Variants in ETNK1 observed in about 807,000 individuals in gnomAD.
The protein encoded by ETNK1 is ethanolamine kinase 1.
In ETNK1, 8 loss-of-function variants were observed where a neutral mutation model predicts 45.1. The observed-to-expected ratio is 0.18, with a 90% CI of 0.10 to 0.32. The LOEUF (loss-of-function observed/expected upper bound fraction) is 0.32, where lower values mean the gene tolerates loss of function less well. Among genes scored for constraint, ETNK1 ranks in the 10% least tolerant of loss-of-function variants. The probability of loss-of-function intolerance (pLI) is 1.00; values close to 1 mark genes in which losing one functional copy is unlikely to be tolerated. For synonymous variants in ETNK1, 152 were observed against 151.9 expected, an observed-to-expected ratio of 1.00 and a Z score of -0.01; for missense variants, 302 against 430.6, an observed-to-expected ratio of 0.70 and a Z score of 2.64.
chr12:22,645,496 G>A (rs1953796446), intron 2 of ETNK1, among the ~76,000 whole-genome samples: 1 of 151,596 alleles, frequency 6.6e-6, no homozygotes, highest in African/African-American at 2.4e-5. Context: ...TATACTTTTT[G>A]GTTAGATCTA....
intron 5 of ETNK1, among the ~76,000 whole-genome samples, chr12:22,671,922 G>A (rs993102042): frequency 6.0e-5 from 9 of 150,512 alleles, no homozygotes; most frequent in African/African-American, 2.2e-4. Context: ...CATAGCATAA[G>A]GTGCTTCATA....
At chr12:22,654,293 A>T (rs1953913763) in intron 2 of ETNK1, among the ~76,000 whole-genome samples, 1 of 152,242 alleles carries the variant, frequency 6.6e-6, no homozygotes, top group African/African-American at 2.4e-5. Context: ...TATAAAAGAT[A>T]AAAAAGACCA....
intron 2 of ETNK1, among the ~76,000 whole-genome samples, chr12:22,645,595 T>C (rs776150324): frequency 4.6e-5 from 7 of 151,806 alleles, no homozygotes; most frequent in Non-Finnish European, 8.9e-5. Flanking sequence ...TTTATTGATA[T>C]ATCATAGTTG....
At chr12:22,636,302 G>GA (rs1484108521) in intron 1 of ETNK1, among the ~76,000 whole-genome samples, 2 of 152,008 alleles carry the variant, frequency 1.3e-5, no homozygotes, top group African/African-American at 4.8e-5. Context: ...TGAGGTCTTG[G>GA]AAAAAAATAG....
At chr12:22,672,499 T>C (rs1360016032) in intron 5 of ETNK1, among the ~76,000 whole-genome samples, 3 of 152,194 alleles carry the variant, frequency 2.0e-5, no homozygotes, top group African/African-American at 7.2e-5. Context: ...AAGCTGTACA[T>C]ATTTTTACGT....
rs1393076180 is a variant in ETNK1, at chr12:22,687,448, T to C, written c.*2494T>C. The C allele has an allele frequency of 6.6e-6, 1 of 152,302 alleles. No homozygotes were observed. The highest frequency in any genetic ancestry group is 2.4e-5 in the African/African-American group (1 of 41,414). The allele number at this position is 152,302 out of a possible 1,614,324, so 9.4% of individuals were successfully genotyped here. A position where few individuals can be genotyped will look rare whatever the true frequency, so the allele number is the denominator to read the frequency against. Reference sequence around the variant, plus strand: ...TAAGCTCATTTTGTAAATATGAAAATGGCTGTAAGAAGTGGCATTCATGTA... The same window carrying C: ...TAAGCTCATTTTGTAAATATGAAAACGGCTGTAAGAAGTGGCATTCATGTA... On this transcript the variant is annotated 3_prime_UTR_variant, in exon 8 of 8. Transcript: ENST00000266517.
chr12:22,676,143 A>ATGC (rs1389996946), intron 6 of ETNK1, among the ~76,000 whole-genome samples: 1 of 152,084 alleles, frequency 6.6e-6, no homozygotes, highest in Non-Finnish European at 1.5e-5. Flanking sequence ...ATTTCTTCTA[A>ATGC]TGCTGTCCCT....
Position 22,685,017 on chromosome 12 carries a change from C to T in ETNK1, c.*63C>T, listed in dbSNP as rs1464663973. ...CTTGTGAATCTTTTCTTAAGAAATCCCAAAAAGCCAATATTAGTTAAAATT... is the reference window on the plus strand; with the variant it reads ...CTTGTGAATCTTTTCTTAAGAAATCTCAAAAAGCCAATATTAGTTAAAATT... On this transcript the variant is annotated 3_prime_UTR_variant, in exon 8 of 8. Coordinates refer to ENST00000266517, the MANE Select transcript of ETNK1 (RefSeq NM_018638.5). 2.4e-5 allele frequency: 29 copies of T among 1,207,076 alleles called. No individual in the cohort carries two copies. The highest frequency in any genetic ancestry group is 3.3e-5 in the Non-Finnish European group (28 of 849,816). The allele number at this position is 1,207,076 out of a possible 1,614,324, so 74.8% of individuals were successfully genotyped here. A position where few individuals can be genotyped will look rare whatever the true frequency, so the allele number is the denominator to read the frequency against.
chr12:22,666,669 T>C (rs577667873), intron 4 of ETNK1, among the ~76,000 whole-genome samples: 1 of 152,212 alleles, frequency 6.6e-6, no homozygotes, highest in Non-Finnish European at 1.5e-5. Flanking sequence ...TCACTGTTTA[T>C]TTTCTCTGTC....
intron 4 of ETNK1, among the ~76,000 whole-genome samples, chr12:22,666,357 G>C (rs1430509480): frequency 1.3e-5 from 2 of 152,044 alleles, no homozygotes; most frequent in African/African-American, 4.8e-5. Context: ...AGAACTATAG[G>C]AATTATCAGT....
intron 2 of ETNK1, among the ~76,000 whole-genome samples, chr12:22,657,643 A>G (rs1336050273): frequency 1.3e-5 from 2 of 152,160 alleles, no homozygotes; most frequent in Non-Finnish European, 2.9e-5. Flanking sequence ...GATAGCTTCA[A>G]TAAAATTAGG....
In ETNK1 at chr12:22,683,042, T is replaced by G. The variant is rs187238189; in HGVS notation, c.946-1441T>G. On this transcript the variant is annotated intron_variant, in intron 6 of 7. Coordinates refer to ENST00000266517, the MANE Select transcript of ETNK1 (RefSeq NM_018638.5). ...ATAGTAAGAATAGCTAGCATTCTAT[T>G]GAATATTTGTTATATGCCAGCTATA... Among the ~76,000 whole-genome samples, 14 of 152,320 alleles carry G rather than the reference T, an allele frequency of 9.2e-5. No homozygotes were observed. The East Asian group carries it at 1.9e-3, about 21-fold the overall frequency.
intron 1 of ETNK1, among the ~76,000 whole-genome samples, chr12:22,629,380 T>C: frequency 6.6e-6 from 1 of 152,168 alleles, no homozygotes; most frequent in East Asian, 1.9e-4. Flanking sequence ...TTCATCATTT[T>C]TTTAAGCATA....
intron 4 of ETNK1, 136 bp downstream of exon 4, chr12:22,661,341 A>G (rs989941112): frequency 1.8e-5 from 9 of 511,552 alleles, no homozygotes; most frequent in Admixed American, 4.0e-5. Flanking sequence ...ATTTTCTTTT[A>G]GTTTATCAAG....
chr12:22,625,835 A>T (rs1324761944), intron 1 of ETNK1: 1 of 700,256 alleles, frequency 1.4e-6, no homozygotes, highest in Admixed American at 2.0e-5. Flanking sequence ...TAAGTGACGG[A>T]CCCATCCACG....
chr12:22,679,832 C>T (rs1397642945), intron 6 of ETNK1, among the ~76,000 whole-genome samples: 1 of 151,754 alleles, frequency 6.6e-6, no homozygotes, highest in African/African-American at 2.4e-5. Context: ...GCTAGGAGTA[C>T]AGGCGTTTGC....
At chr12:22,674,510 C>G (rs982951230) in intron 6 of ETNK1, among the ~76,000 whole-genome samples, 2 of 152,138 alleles carry the variant, frequency 1.3e-5, no homozygotes, top group East Asian at 3.9e-4. Context: ...ACCTGCTGTT[C>G]TTCTATCTAT....
intron 1 of ETNK1, among the ~76,000 whole-genome samples, chr12:22,629,418 G>T (rs963859985): frequency 3.3e-5 from 5 of 151,986 alleles, no homozygotes; most frequent in Admixed American, 3.3e-4. Flanking sequence ...ATTAATCTTT[G>T]TGTTAGGTTG....
intron 1 of ETNK1, among the ~76,000 whole-genome samples, chr12:22,634,626 ACT>A (rs1400656220): frequency 4.6e-5 from 7 of 152,096 alleles, no homozygotes; most frequent in Admixed American, 4.6e-4. Flanking sequence ...GCTGGGTCTC[ACT>A]CTGTTGCCCA....
Sources: gnomAD v4.1 joint callset for allele counts (sites outside exome capture counted in the v4.1 genomes callset) on GRCh38, gnomAD v4.1.1 for gene constraint, MANE v1.5 for transcripts, NCBI Gene and HGNC (gene_info 2026-07-23, HGNC 2026-07-21) for gene names.